Variants in LIMS4 observed in about 807,000 individuals in gnomAD.
LIMS4 encodes LIM zinc finger domain containing 4, also known as LIM and senescent cell antigen-like-containing domain protein 4.
the LIMS4 span, among the ~76,000 whole-genome samples, chr2:110,371,837 T>G: frequency 7.0e-6 from 1 of 142,540 alleles, no homozygotes; most frequent in South Asian, 2.2e-4. Flanking sequence ...TGCCTGAAAC[T>G]TCCTCCACCT....
chr2:110,379,001 C>T, the LIMS4 span, among the ~76,000 whole-genome samples: 2 of 148,226 alleles, frequency 1.3e-5, no homozygotes, highest in Non-Finnish European at 2.9e-5. Flanking sequence ...CACACACACA[C>T]AATTTATACA....
the LIMS4 span, among the ~76,000 whole-genome samples, chr2:110,395,739 G>C: frequency 2.6e-4 from 23 of 87,772 alleles, no homozygotes; most frequent in Middle Eastern, 4.2e-3. Context: ...AACAGCCCTG[G>C]AGGCCAACAT....
the LIMS4 span, among the ~76,000 whole-genome samples, chr2:110,385,161 AT>A: frequency 6.7e-6 from 1 of 149,354 alleles, no homozygotes; most frequent in African/African-American, 2.6e-5. Flanking sequence ...TGCCTAAACA[AT>A]AAATAAATAA....
At chr2:110,382,125 A>G in the LIMS4 span, among the ~76,000 whole-genome samples, 1 of 117,732 alleles carries the variant, frequency 8.5e-6, no homozygotes, top group African/African-American at 4.0e-5. Context: ...ATATATATAT[A>G]TATATATATA....
the LIMS4 span, among the ~76,000 whole-genome samples, chr2:110,374,106 G>T: frequency 9.4e-6 from 1 of 106,482 alleles, no homozygotes; most frequent in Non-Finnish European, 1.7e-5. Flanking sequence ...AGGACCCAAA[G>T]TGCTGCTTGG....
the LIMS4 span, among the ~76,000 whole-genome samples, chr2:110,382,126 T>TATATAC: frequency 1.0e-5 from 1 of 99,556 alleles, no homozygotes; most frequent in Non-Finnish European, 1.8e-5. Context: ...TATATATATA[T>TATATAC]ATATATATAT....
chr2:110,361,971 A>T, the LIMS4 span: 2 of 1,264,650 alleles, frequency 1.6e-6, no homozygotes, highest in Non-Finnish European at 2.2e-6. Flanking sequence ...CAACGTACAC[A>T]TCAAAAACCA....
At chr2:110,392,308 A>G in the LIMS4 span, among the ~76,000 whole-genome samples, 1 of 150,998 alleles carries the variant, frequency 6.6e-6, no homozygotes, top group East Asian at 1.9e-4. Context: ...GCGCGGTGGC[A>G]GGCGCCTGTG....
chr2:110,371,326 C>G, the LIMS4 span, among the ~76,000 whole-genome samples: 6 of 113,474 alleles, frequency 5.3e-5, no homozygotes, highest in African/African-American at 2.8e-4. Flanking sequence ...AAATTTACAT[C>G]TATAAAGAAA....
the LIMS4 span, among the ~76,000 whole-genome samples, chr2:110,382,098 AATATATATATATATATATATATAT>A: frequency 5.2e-4 from 21 of 40,498 alleles, no homozygotes; most frequent in African/African-American, 1.0e-3. Context: ...AAAAAAAAAA[AATATATATATATATATATATATAT>A]ATATATATAT....
chr2:110,382,111 A>C, the LIMS4 span, among the ~76,000 whole-genome samples: 2 of 35,108 alleles, frequency 5.7e-5, no homozygotes, highest in Non-Finnish European at 9.9e-5. Context: ...ATATATATAT[A>C]TATATATATA....
chr2:110,368,578 A>G, the LIMS4 span, among the ~76,000 whole-genome samples: 122 of 146,016 alleles, frequency 8.4e-4, no homozygotes, highest in Middle Eastern at 6.9e-3. Flanking sequence ...GTTGAAACCT[A>G]ACTTAATGTG....
chr2:110,447,289 CG>C (rs1387459160), intron 8 of LIMS4, 129 bp from the exon 9 acceptor site: 5 of 1,578 alleles, frequency 3.2e-3, no homozygotes, highest in African/African-American at 6.6e-3. Flanking sequence ...TTCTCAAGAA[CG>C]TTTTTTTTAA....
the LIMS4 span, chr2:110,382,757 C>A: frequency 1.0e-5 from 1 of 96,640 alleles, no homozygotes; most frequent in Non-Finnish European, 1.9e-5. Context: ...ACATAAGACC[C>A]AGTGTTGTGT....
the LIMS4 span, among the ~76,000 whole-genome samples, chr2:110,395,742 G>A: frequency 3.4e-5 from 3 of 89,400 alleles, no homozygotes; most frequent in Admixed American, 1.2e-4. Context: ...AGCCCTGGAG[G>A]CCAACATACT....
chr2:110,389,958 C>T, the LIMS4 span, among the ~76,000 whole-genome samples: 11 of 136,322 alleles, frequency 8.1e-5, no homozygotes, highest in African/African-American at 1.5e-4. Flanking sequence ...ACCACCTCCA[C>T]GGCAGTCAGG....
At chr2:110,394,491 CT>C in the LIMS4 span, among the ~76,000 whole-genome samples, 1 of 140,188 alleles carries the variant, frequency 7.1e-6, no homozygotes, top group South Asian at 2.3e-4. Context: ...AATCCCAGCA[CT>C]TTGGGAGGCC....
the LIMS4 span, chr2:110,376,136 G>C: frequency 7.8e-6 from 1 of 127,838 alleles, no homozygotes; most frequent in Non-Finnish European, 1.5e-5. Flanking sequence ...AGCAGGTGAA[G>C]TCCTTGCCCA....
At chr2:110,359,398 C>G in the LIMS4 span, among the ~76,000 whole-genome samples, 1 of 70,922 alleles carries the variant, frequency 1.4e-5, no homozygotes. Context: ...GAACTATAAA[C>G]GGAAGGGACA....
Sources: allele counts gnomAD v4.1 joint callset (sites outside exome capture counted in the v4.1 genomes callset), GRCh38; gene constraint gnomAD v4.1.1; transcripts MANE v1.5; gene names NCBI Gene and HGNC (gene_info 2026-07-23, HGNC 2026-07-21).